Variants in ZC3H11A observed in about 807,000 individuals in gnomAD.
ZC3H11A encodes zinc finger CCCH domain-containing protein 11A.
ZC3H11A carries 22 observed loss-of-function variants against 90.8 expected under a neutral mutation model. That is an observed-to-expected ratio of 0.24 (90% confidence interval 0.17 to 0.35). The LOEUF is 0.35. Ranked by LOEUF, ZC3H11A falls within the 10% of genes least tolerant of loss-of-function variation. ZC3H11A has a pLI of 1.00. For synonymous variants in ZC3H11A, 294 were observed against 339.8 expected, an observed-to-expected ratio of 0.87 and a Z score of 1.48; for missense variants, 701 against 964.9, an observed-to-expected ratio of 0.73 and a Z score of 3.62.
intron 4 of ZC3H11A, among the ~76,000 whole-genome samples, chr1:203,827,879 T>G (rs1342362818): frequency 6.6e-6 from 1 of 152,222 alleles, no homozygotes; most frequent in Non-Finnish European, 1.5e-5. Context: ...TTATGTACTC[T>G]TCATAAGAAA....
Position 203,821,827 on chromosome 1 carries a change from C to G in ZC3H11A, c.174+3138C>G, listed in dbSNP as rs12028219. On this transcript the variant is annotated intron_variant, in intron 4 of 17. Coordinates refer to ENST00000367210, the MANE Select transcript of ZC3H11A (RefSeq NM_001376342.1). ...GGCTGGAGTGCAGTGGCGCGATCTC[C>G]GCTCACTGCAAGCTCCGCCTCATTG... 0.024 allele frequency among the ~76,000 whole-genome samples: 3,613 copies of G among 151,738 alleles called. 455 individuals are homozygous for G. The East Asian group carries it at 0.41, about 17-fold the overall frequency.
rs1458203665 is a variant in ZC3H11A, at chr1:203,853,996, A to T, written c.*1597A>T. ...CTTTATTCTTTTGCTTTTTTAAAAA[A>T]TAATTTTGTTTCATATTTAAAGCAC... On this transcript the variant is annotated 3_prime_UTR_variant, in exon 18 of 18. Coordinates refer to ENST00000367210, the MANE Select transcript of ZC3H11A (RefSeq NM_001376342.1). 2 of 152,628 alleles carry T rather than the reference A, an allele frequency of 1.3e-5. No homozygotes were observed. The highest frequency in any genetic ancestry group is 2.9e-5 in the Non-Finnish European group (2 of 68,046). 9.5% of individuals were successfully genotyped at this position (152,628 alleles called of 1,614,324 possible).
intron 1 of ZC3H11A, chr1:203,799,810 C>G: frequency 2.9e-6 from 4 of 1,377,306 alleles, no homozygotes; most frequent in Non-Finnish European, 3.0e-6. Flanking sequence ...AAATCCAAGC[C>G]CTGTATCTTG....
At chr1:203,799,982 C>T (rs994359849) in intron 1 of ZC3H11A, 4 of 1,536,116 alleles carry the variant, frequency 2.6e-6, no homozygotes, top group Admixed American at 2.0e-5. Context: ...CTTCTTGTCC[C>T]TCAGTTACAG....
intron 12 of ZC3H11A, among the ~76,000 whole-genome samples, chr1:203,844,735 G>C (rs1687408894): frequency 6.6e-6 from 1 of 152,112 alleles, no homozygotes; most frequent in Non-Finnish European, 1.5e-5. Context: ...GAAGATGGGA[G>C]GTCTGGGGGC....
At chr1:203,841,373 C>G (rs1261286101) in intron 12 of ZC3H11A, among the ~76,000 whole-genome samples, 1 of 152,046 alleles carries the variant, frequency 6.6e-6, no homozygotes, top group Non-Finnish European at 1.5e-5. Context: ...GAGCATGCTG[C>G]CTTCAAGCAT....
In ZC3H11A at chr1:203,847,604, G is replaced by A; in HGVS notation, c.1463G>A (p.Ser488Asn). 1.2e-6 allele frequency: 2 copies of A among 1,613,550 alleles called. No individual in the cohort carries two copies. Among genetic ancestry groups the A allele is most frequent in the Non-Finnish European group, 1.7e-6 (2 of 1,179,952 alleles). The part of the protein sequence containing the change: ...KLEKALRVQQ[S>N]SESSTSSPSQ... ...GAGAAGGCACTGAGGGTGCAGCAGAGCTCTGAGAGCAGCACCAGCTCCCCG... is the reference window on the plus strand; with the variant it reads ...GAGAAGGCACTGAGGGTGCAGCAGAACTCTGAGAGCAGCACCAGCTCCCCG... Residue 488 changes from serine (S) to asparagine (N), a missense_variant, in exon 13 of 18, where the codon AGC becomes AAC. Ser to Asn is a conservative substitution (Grantham distance 46, BLOSUM62 1). Coordinates refer to ENST00000367210, the MANE Select transcript of ZC3H11A (RefSeq NM_001376342.1).
chr1:203,799,572 C>G (rs1352862700), intron 1 of ZC3H11A: 1 of 702,928 alleles, frequency 1.4e-6, no homozygotes, highest in Non-Finnish European at 2.6e-6. Flanking sequence ...TCAGTGGACT[C>G]TAATGACTTA....
At chr1:203,830,240 T>C (rs781270807) in intron 8 of ZC3H11A, 37 bp downstream of exon 8, 1 of 1,507,868 alleles carries the variant, frequency 6.6e-7, no homozygotes, top group East Asian at 2.3e-5. Flanking sequence ...AGTTGTATGT[T>C]GCTAGGGAAG....
chr1:203,848,691 T>C (rs59262452), intron 14 of ZC3H11A, among the ~76,000 whole-genome samples: 2 of 152,142 alleles, frequency 1.3e-5, no homozygotes, highest in African/African-American at 4.8e-5. Context: ...ATTGAGACCG[T>C]CCTGGCTAAC....
At chr1:203,837,555 C>G (rs570298688) in intron 10 of ZC3H11A, among the ~76,000 whole-genome samples, 2 of 151,814 alleles carry the variant, frequency 1.3e-5, no homozygotes, top group Non-Finnish European at 2.9e-5. Flanking sequence ...TCACTGTAGC[C>G]TTTCTACCTC....
intron 1 of ZC3H11A, chr1:203,799,142 A>G: frequency 6.6e-7 from 1 of 1,504,538 alleles, no homozygotes; most frequent in African/African-American, 1.4e-5. Context: ...CCAATATTTT[A>G]CAAGAATTAA....
At chr1:203,838,982 A>AAGGTTAT (rs1685244814) in intron 11 of ZC3H11A, among the ~76,000 whole-genome samples, 1 of 151,736 alleles carries the variant, frequency 6.6e-6, no homozygotes, top group Non-Finnish European at 1.5e-5. Flanking sequence ...AAAAGAAAGA[A>AAGGTTAT]AGAAAGGTTA....
rs12085020 is a variant in ZC3H11A at position 203,848,480 on chromosome 1, A to G, written c.1623+73A>G. 144,078 of 1,129,784 alleles carry G rather than the reference A, an allele frequency of 0.13. 10,180 individuals carry two copies. The highest frequency in any genetic ancestry group is 0.14 in the Non-Finnish European group (105,651 of 774,392). 70.0% of individuals were successfully genotyped at this position (1,129,784 alleles called of 1,614,324 possible). The stretch of plus-strand genomic sequence containing the variant: ...AGATAATTGGTAGTTTTACCTTACA[A>G]TAAATTTCTAAGTACTTCATTCATA... On this transcript the variant is annotated intron_variant, in intron 14 of 17. Coordinates refer to ENST00000367210, the MANE Select transcript of ZC3H11A (RefSeq NM_001376342.1).
Position 203,847,445 on chromosome 1 carries a change from A to C in ZC3H11A, c.1304A>C (p.Lys435Thr). The part of the protein sequence containing the change: ...SKKDTTCIKL[K>T]IDSEIKKTVV... ...AAGGATACAACTTGCATCAAGCTAA[A>C]GATTGATAGTGAAATTAAAAAAACA... The change falls in exon 13 of 18, where the codon AAG becomes ACG. Residue 435 changes from lysine to threonine, a missense_variant. Coordinates refer to ENST00000367210, the MANE Select transcript of ZC3H11A (RefSeq NM_001376342.1). 1.2e-6 allele frequency: 2 copies of C among 1,614,018 alleles called. No homozygotes were observed. The highest frequency in any genetic ancestry group is 1.7e-6 in the Non-Finnish European group (2 of 1,179,884).
chr1:203,835,894 A>AC (rs1388801143), intron 10 of ZC3H11A: 1 of 240,084 alleles, frequency 4.2e-6, no homozygotes, highest in East Asian at 1.0e-4. Context: ...ATGCCCTTGG[A>AC]CCACAGCCTT....
At chr1:203,829,679 T>A (rs751371253) in intron 6 of ZC3H11A, 25 bp downstream of exon 6, 2 of 1,613,914 alleles carry the variant, frequency 1.2e-6, no homozygotes, top group East Asian at 4.5e-5. Flanking sequence ...GCTCCTTCTT[T>A]AAGGCAAATA....
chr1:203,818,421 T>C, intron 3 of ZC3H11A, 149 bp from the exon 4 acceptor site: 1 of 1,049,104 alleles, frequency 9.5e-7, no homozygotes. Flanking sequence ...TCTCGGTTTG[T>C]TCCTGTCATT....
intron 10 of ZC3H11A, among the ~76,000 whole-genome samples, chr1:203,836,280 T>G (rs895248747): frequency 2.6e-5 from 4 of 152,186 alleles, no homozygotes; most frequent in Non-Finnish European, 5.9e-5. Flanking sequence ...AGCATACCTG[T>G]AAACTTTGTG....
Sources: allele counts gnomAD v4.1 joint callset (sites outside exome capture counted in the v4.1 genomes callset), GRCh38; gene constraint gnomAD v4.1.1; transcripts MANE v1.5; gene names NCBI Gene and HGNC (gene_info 2026-07-23, HGNC 2026-07-21).